Variants in SAXO4 observed in about 807,000 individuals in gnomAD.
The protein encoded by SAXO4 is stabilizer of axonemal microtubules 4, also known as protein phosphatase 1 regulatory subunit 32.
At chr11:61,486,323 C>T in the SAXO4 span, 1 of 1,612,688 alleles carries the variant, frequency 6.2e-7, no homozygotes, top group Non-Finnish European at 8.5e-7. Context: ...GGGCTGACAT[C>T]CTCTGTGGGC....
At chr11:61,482,517 C>T in the SAXO4 span, 2 of 1,557,604 alleles carry the variant, frequency 1.3e-6, no homozygotes, top group Admixed American at 1.7e-5. Context: ...GCTTTGCCTG[C>T]CCTAGGCTGG....
chr11:61,487,296 T>G, the SAXO4 span: 1 of 1,437,526 alleles, frequency 7.0e-7, no homozygotes, highest in Non-Finnish European at 9.8e-7. Context: ...AGACTGAGAC[T>G]GGGATAAGTA....
the SAXO4 span, among the ~76,000 whole-genome samples, chr11:61,488,478 G>C: frequency 2.0e-5 from 3 of 151,896 alleles, no homozygotes; most frequent in African/African-American, 7.3e-5. Flanking sequence ...CTACATTTTT[G>C]TATTTTTAGT....
the SAXO4 span, chr11:61,487,331 G>A: frequency 7.2e-6 from 8 of 1,112,092 alleles, no homozygotes; most frequent in Non-Finnish European, 8.1e-6. Flanking sequence ...TCGTGGAGAA[G>A]ATCAATGCTG....
At chr11:61,489,597 A>C in the SAXO4 span, 1 of 633,842 alleles carries the variant, frequency 1.6e-6, no homozygotes, top group Non-Finnish European at 2.8e-6. Context: ...CGTCAGGTGG[A>C]GGGGAGGGCA....
At chr11:61,484,915 G>A in the SAXO4 span, 1 of 1,419,922 alleles carries the variant, frequency 7.0e-7, no homozygotes, top group South Asian at 1.4e-5. Flanking sequence ...ACTCACCCAA[G>A]AAGCCAGCTC....
the SAXO4 span, chr11:61,489,605 G>A: frequency 5.5e-5 from 36 of 649,956 alleles, no homozygotes; most frequent in African/African-American, 5.9e-4. Flanking sequence ...GGAGGGGAGG[G>A]CAGGCTTTTT....
chr11:61,482,723 G>A, the SAXO4 span: 23 of 1,613,998 alleles, frequency 1.4e-5, no homozygotes, highest in Non-Finnish European at 1.9e-5. Flanking sequence ...GTGCCTGACG[G>A]CAAGCATCCC....
the SAXO4 span, chr11:61,489,307 C>T: frequency 4.7e-6 from 1 of 211,810 alleles, no homozygotes; most frequent in African/African-American, 2.3e-5. Flanking sequence ...CTGGTGCTTC[C>T]TGGTGCGCGC....
At chr11:61,486,039 T>G in the SAXO4 span, 1 of 688,192 alleles carries the variant, frequency 1.5e-6, no homozygotes, top group South Asian at 2.0e-5. Flanking sequence ...AGAGCTTAGG[T>G]GAAAACCACT....
At chr11:61,486,343 G>A in the SAXO4 span, 15 of 1,613,528 alleles carry the variant, frequency 9.3e-6, no homozygotes, top group Non-Finnish European at 1.2e-5. Flanking sequence ...CCTATTTCCA[G>A]GCCCTCCTCC....
chr11:61,483,154 A>ATTTCTT, the SAXO4 span, among the ~76,000 whole-genome samples: 2 of 130,328 alleles, frequency 1.5e-5, no homozygotes, highest in Non-Finnish European at 3.3e-5. Context: ...CATCTTTTTC[A>ATTTCTT]TTTCTTTTTC....
chr11:61,485,400 A>T, the SAXO4 span: 1 of 1,613,356 alleles, frequency 6.2e-7, no homozygotes, highest in South Asian at 1.1e-5. Context: ...TAGACCAGCC[A>T]GGTAGGCCCT....
the SAXO4 span, chr11:61,482,914 C>T: frequency 3.2e-6 from 4 of 1,234,240 alleles, no homozygotes; most frequent in Non-Finnish European, 4.4e-6. Flanking sequence ...CATGGAGCAG[C>T]CACCTTGTAG....
chr11:61,484,992 A>G, the SAXO4 span, among the ~76,000 whole-genome samples: 2 of 152,192 alleles, frequency 1.3e-5, no homozygotes. Context: ...TTTCCAAAAT[A>G]GCCTCAATGT....
chr11:61,486,600 T>G, the SAXO4 span: 10 of 1,613,992 alleles, frequency 6.2e-6, no homozygotes, highest in Admixed American at 5.0e-5. Context: ...GAAAGGATTC[T>G]GAACCCCAGA....
chr11:61,484,900 C>A, the SAXO4 span: 3 of 1,461,098 alleles, frequency 2.1e-6, no homozygotes, highest in South Asian at 1.4e-5. Flanking sequence ...ACAAGTATTG[C>A]ACTGACTCAC....
the SAXO4 span, chr11:61,487,332 A>T: frequency 9.0e-7 from 1 of 1,112,612 alleles, no homozygotes; most frequent in Admixed American, 1.7e-5. Context: ...CGTGGAGAAG[A>T]TCAATGCTGA....
the SAXO4 span, among the ~76,000 whole-genome samples, chr11:61,481,492 A>G: frequency 1.3e-5 from 2 of 152,186 alleles, no homozygotes; most frequent in Admixed American, 6.5e-5. Context: ...ACTACCACCT[A>G]TTATGGAGCA....
Sources: gnomAD v4.1 joint callset for allele counts (sites outside exome capture counted in the v4.1 genomes callset) on GRCh38, gnomAD v4.1.1 for gene constraint, MANE v1.5 for transcripts, NCBI Gene and HGNC (gene_info 2026-07-23, HGNC 2026-07-21) for gene names.